The following TBC1D4 variants were observed in gnomAD, a reference collection of about 807,000 sequenced individuals.
The protein encoded by TBC1D4 is TBC (Tre-2, BUB2, CDC16) domain-containing protein.
Under a neutral mutation model 142.5 loss-of-function variants are expected in TBC1D4, and 121 were observed. That is an observed-to-expected ratio of 0.85 (90% CI 0.73 to 0.99). The LOEUF (loss-of-function observed/expected upper bound fraction) is 0.99, where lower values mean the gene tolerates loss of function less well. Ranked by LOEUF, TBC1D4 falls within the 50% of genes least tolerant of loss-of-function variation. The pLI is 0.00. For missense variants in TBC1D4, 1,475 were observed against 1,606.6 expected (o/e 0.92, Z 1.40); for synonymous variants, 630 against 628.2 (o/e 1.00, Z -0.04).
chr13:75,394,660 C>T (rs565919146), intron 1 of TBC1D4, among the ~76,000 whole-genome samples: 4 of 152,066 alleles, frequency 2.6e-5, no homozygotes, highest in Non-Finnish European at 4.4e-5. Flanking sequence ...GCTAGATTTG[C>T]GAATCTTTAA....
At chr13:75,366,920 T>A in intron 1 of TBC1D4, 1 of 985,356 alleles carries the variant, frequency 1.0e-6, no homozygotes, top group Non-Finnish European at 1.2e-6. Context: ...ATACCTTTGA[T>A]CAGGAAGCCA....
intron 1 of TBC1D4, among the ~76,000 whole-genome samples, chr13:75,381,847 C>T (rs1220300356): frequency 6.6e-6 from 1 of 152,152 alleles, no homozygotes; most frequent in African/African-American, 2.4e-5. Context: ...AAATAATATA[C>T]AATGATACAA....
At chr13:75,394,522 A>T (rs1884675552) in intron 1 of TBC1D4, among the ~76,000 whole-genome samples, 2 of 152,240 alleles carry the variant, frequency 1.3e-5, no homozygotes, top group Non-Finnish European at 2.9e-5. Flanking sequence ...TTTTTGTTTA[A>T]TTTTAAGGAA....
chr13:75,478,383 GC>G (rs1322630572), intron 1 of TBC1D4, among the ~76,000 whole-genome samples: 3 of 152,108 alleles, frequency 2.0e-5, no homozygotes, highest in Non-Finnish European at 4.4e-5. Flanking sequence ...AACAGATAGG[GC>G]CATTGCATTA....
At chr13:75,465,818 A>C (rs1480862883) in intron 1 of TBC1D4, among the ~76,000 whole-genome samples, 2 of 152,016 alleles carry the variant, frequency 1.3e-5, no homozygotes, top group Admixed American at 1.3e-4. Context: ...GCATGATACA[A>C]CCTCGGTCTC....
In TBC1D4 at chr13:75,481,511, A is replaced by G. The variant is rs768414083; in HGVS notation, c.257T>C (p.Leu86Pro). ...GACGCAACGCAGGAAGGGCGCGCTGAGCACCAGGATCACCTCTCGGGCCGC... is the reference window on the plus strand; with the variant it reads ...GACGCAACGCAGGAAGGGCGCGCTGGGCACCAGGATCACCTCTCGGGCCGC... ...APAAREVILV[L>P]SAPFLRCVPA... The change falls in exon 1 of 21, where the codon CTC becomes CCC. Residue 86 changes from leucine to proline, a missense_variant. Physicochemically the swap from Leu to Pro is moderately conservative, Grantham distance 98. Coordinates refer to ENST00000377636, the MANE Select transcript of TBC1D4 (RefSeq NM_014832.5). 3.7e-6 allele frequency: 6 copies of G among 1,611,268 alleles called. No individual in the cohort carries two copies. In the South Asian group the frequency reaches 6.6e-5, roughly 18 times the overall value.
In TBC1D4 at chr13:75,306,480, A is replaced by G. The variant is rs1297383401; in HGVS notation, c.2594-9T>C. ...GAGTTCATCTCTGCTTGCTAAGGAA[A>G]AAAACAATTTACGTAAGACCAATGT... On this transcript the variant is annotated splice_polypyrimidine_tract_variant and intron_variant, in intron 14 of 20. Transcript: ENST00000377636. 2.5e-6 allele frequency: 4 copies of G among 1,612,616 alleles called. No individual in the cohort carries two copies. Among genetic ancestry groups the G allele is most frequent in the Non-Finnish European group, 3.4e-6 (4 of 1,179,806 alleles).
Position 75,299,323 on chromosome 13 carries a change from G to A in TBC1D4, c.3156+7C>T. On this transcript the variant is annotated splice_region_variant and intron_variant, in intron 17 of 20. Transcript: ENST00000377636. ...CACACCTTCCTCGGGAAGCACAAGT[G>A]CCTCACCTGCAGCGACATCATGTCA... is the stretch of plus-strand genomic sequence containing the variant. The A allele has an allele frequency of 6.2e-7, 1 of 1,613,896 alleles. No homozygotes were observed. Among genetic ancestry groups the A allele is most frequent in the Non-Finnish European group, 8.5e-7 (1 of 1,179,992 alleles).
At chr13:75,444,952 A>G (rs746392335) in intron 1 of TBC1D4, among the ~76,000 whole-genome samples, 11 of 152,170 alleles carry the variant, frequency 7.2e-5, no homozygotes, top group Non-Finnish European at 1.2e-4. Context: ...TGTACATTAC[A>G]TCATTTACCC....
chr13:75,373,118 C>T (rs1883307893), intron 1 of TBC1D4, among the ~76,000 whole-genome samples: 1 of 152,196 alleles, frequency 6.6e-6, no homozygotes, highest in East Asian at 1.9e-4. Flanking sequence ...AGCGACGGCT[C>T]AGCCCAGAGG....
chr13:75,349,308 G>C lies in TBC1D4; in HGVS notation c.1276-6C>G. 1.9e-6 allele frequency: 3 copies of C among 1,613,608 alleles called. No individual in the cohort carries two copies. The highest frequency in any genetic ancestry group is 2.5e-6 in the Non-Finnish European group (3 of 1,179,864). ...GTCAGCATTACCTCATCAACCTACAGGAAGAAACAAAACTCAGGTCTATAA... is the reference window on the plus strand; with the variant it reads ...GTCAGCATTACCTCATCAACCTACACGAAGAAACAAAACTCAGGTCTATAA... On this transcript the variant is annotated splice_polypyrimidine_tract_variant and splice_region_variant and intron_variant, in intron 4 of 20. Coordinates refer to ENST00000377636, the MANE Select transcript of TBC1D4 (RefSeq NM_014832.5).
intron 5 of TBC1D4, among the ~76,000 whole-genome samples, chr13:75,344,847 A>G (rs1881020725): frequency 6.6e-6 from 1 of 152,244 alleles, no homozygotes; most frequent in Non-Finnish European, 1.5e-5. Flanking sequence ...TGAATGAGTG[A>G]AATAAAATAC....
At chr13:75,321,795 A>G (rs1319573090) in intron 11 of TBC1D4, among the ~76,000 whole-genome samples, 3 of 152,198 alleles carry the variant, frequency 2.0e-5, no homozygotes, top group Non-Finnish European at 2.9e-5. Context: ...AATAACCCAT[A>G]TGTCTACTCA....
chr13:75,410,055 C>T (rs767635037), intron 1 of TBC1D4, among the ~76,000 whole-genome samples: 3 of 152,142 alleles, frequency 2.0e-5, no homozygotes, highest in Non-Finnish European at 4.4e-5. Flanking sequence ...AGTTGCCTGC[C>T]TTGTATAAAC....
intron 1 of TBC1D4, among the ~76,000 whole-genome samples, chr13:75,443,551 G>A (rs1332194141): frequency 2.0e-5 from 3 of 152,150 alleles, no homozygotes; most frequent in Non-Finnish European, 4.4e-5. Flanking sequence ...CCCTTCTAAC[G>A]CAGAACATAC....
intron 1 of TBC1D4, among the ~76,000 whole-genome samples, chr13:75,407,948 A>G (rs369830623): frequency 6.6e-6 from 1 of 152,180 alleles, no homozygotes; most frequent in East Asian, 1.9e-4. Context: ...ATAAGCTACC[A>G]TATTTTTAAC....
At chr13:75,409,813 G>A (rs1885527000) in intron 1 of TBC1D4, among the ~76,000 whole-genome samples, 1 of 152,240 alleles carries the variant, frequency 6.6e-6, no homozygotes, top group South Asian at 2.1e-4. Context: ...CGAACCCTTT[G>A]CTAGATAGCT....
At chr13:75,467,839 C>T (rs934666233) in intron 1 of TBC1D4, among the ~76,000 whole-genome samples, 3 of 152,134 alleles carry the variant, frequency 2.0e-5, no homozygotes, top group Non-Finnish European at 4.4e-5. Flanking sequence ...AAAATACATA[C>T]AAGAGCAGTG....
chr13:75,376,963 C>T (rs1883545775), intron 1 of TBC1D4, among the ~76,000 whole-genome samples: 3 of 152,314 alleles, frequency 2.0e-5, no homozygotes, highest in East Asian at 3.9e-4. Context: ...CAAAAATTTA[C>T]GAGCCACTGA....
Sources: allele counts gnomAD v4.1 joint callset (sites outside exome capture counted in the v4.1 genomes callset), GRCh38; gene constraint gnomAD v4.1.1; transcripts MANE v1.5; gene names NCBI Gene and HGNC (gene_info 2026-07-23, HGNC 2026-07-21).